Variants in USP9X observed in about 807,000 individuals in gnomAD.
USP9X encodes the protein ubiquitin specific peptidase 9 X-linked.
USP9X carries 7 observed loss-of-function variants against 190.3 expected under a neutral mutation model. That is an observed-to-expected ratio of 0.04 (90% CI 0.02 to 0.07). The LOEUF (loss-of-function observed/expected upper bound fraction) is 0.07, where lower values mean the gene tolerates loss of function less well. Among genes scored for constraint, USP9X ranks in the 10% least tolerant of loss-of-function variants. The pLI is 1.00. For missense variants in USP9X, 1,010 were observed against 1,916.9 expected (o/e 0.53, Z 8.83); for synonymous variants, 645 against 659.5 (o/e 0.98, Z 0.34).
intron 33 of USP9X, among the ~76,000 whole-genome samples, chrX:41,213,705 C>G (rs1368854900): frequency 8.9e-6 from 1 of 112,155 alleles, no homozygotes; most frequent in Non-Finnish European, 1.9e-5. Flanking sequence ...GAATATCCTA[C>G]TTTTGAAGTG....
chrX:41,120,403 A>G (rs1261468957), intron 1 of USP9X, among the ~76,000 whole-genome samples: 1 of 112,226 alleles, frequency 8.9e-6, no homozygotes, highest in Non-Finnish European at 1.9e-5. Flanking sequence ...TATTTCATGT[A>G]TTTATTAGTC....
chrX:41,131,415 T>C (rs373472088), intron 3 of USP9X, 42 bp from the exon 4 acceptor site: 4 of 1,109,115 alleles, frequency 3.6e-6, no homozygotes, highest in Admixed American at 2.2e-5. Flanking sequence ...CCTCTTTTAG[T>C]GTACAACCAT....
chrX:41,131,006 G>A (rs1254735649), intron 3 of USP9X, among the ~76,000 whole-genome samples: 2 of 109,531 alleles, frequency 1.8e-5, no homozygotes, highest in East Asian at 2.9e-4. Context: ...GATTAGAGGC[G>A]TGAGCCACTG....
At chrX:41,206,997 T>A (rs60829190) in intron 32 of USP9X, among the ~76,000 whole-genome samples, 1 of 107,447 alleles carries the variant, frequency 9.3e-6, no homozygotes, top group African/African-American at 3.4e-5. Context: ...TGTTGGCCAG[T>A]CTGGTCTCGA....
rs754213602 is a variant in USP9X, at chrX:41,141,255, AT to A, written c.1023-34del. On this transcript the variant is annotated intron_variant, in intron 8 of 44. Transcript: ENST00000378308. ...CCTCTTGAAATAATTGTTAATGCCG[AT>A]TTTAGAATCATACTTATCACTGAAT... is the stretch of plus-strand genomic sequence containing the variant. The A allele has an allele frequency of 4.2e-6, 5 of 1,195,548 alleles. No individual in the cohort carries two copies. In the African/African-American group the frequency reaches 7.1e-5, roughly 17 times the overall value.
At chrX:41,151,584 AAG>A (rs1423551034) in intron 13 of USP9X, among the ~76,000 whole-genome samples, 2 of 112,518 alleles carry the variant, frequency 1.8e-5, no homozygotes, top group African/African-American at 6.5e-5. Flanking sequence ...TGTGAAGAGA[AAG>A]AGAGCAGGGT....
At chrX:41,198,459 A>T in intron 29 of USP9X, 69 bp from the exon 30 acceptor site, 2 of 758,374 alleles carry the variant, frequency 2.6e-6, no homozygotes, top group Non-Finnish European at 3.6e-6. Flanking sequence ...TGATTTACTT[A>T]CAAGAGAACT....
chrX:41,183,980 T>A lies in USP9X; in HGVS notation c.3149-18T>A. ...ACACATGAATTACATTTTCACACTG[T>A]CTCTTTTTTTCCTCCAGATAGCACA... On this transcript the variant is annotated intron_variant, in intron 21 of 44. Transcript: ENST00000378308. 1 of 1,193,542 alleles carries A rather than the reference T, an allele frequency of 8.4e-7. No individual in the cohort carries two copies. Among genetic ancestry groups the A allele is most frequent in the Non-Finnish European group, 1.1e-6 (1 of 888,845 alleles).
At chrX:41,116,413 G>C (rs1189309221) in intron 1 of USP9X, among the ~76,000 whole-genome samples, 1 of 112,288 alleles carries the variant, frequency 8.9e-6, no homozygotes, top group Non-Finnish European at 1.9e-5. Context: ...AGCCCTGCTA[G>C]GTATGCCTAA....
chrX:41,222,908 C>G (rs1431844619), intron 38 of USP9X, among the ~76,000 whole-genome samples: 1 of 111,069 alleles, frequency 9.0e-6, no homozygotes, highest in African/African-American at 3.3e-5. Flanking sequence ...GAGACTGTCT[C>G]AAAAAAGAAA....
intron 33 of USP9X, among the ~76,000 whole-genome samples, chrX:41,211,809 C>T (rs1356061026): frequency 9.5e-6 from 1 of 105,779 alleles, no homozygotes; most frequent in Non-Finnish European, 2.0e-5. Context: ...CCCCTCTGCC[C>T]GGACAGCCGC....
chrX:41,225,223 A>G (rs776161857), intron 41 of USP9X, 86 bp downstream of exon 41: 5 of 862,954 alleles, frequency 5.8e-6, no homozygotes, highest in Non-Finnish European at 8.4e-6. Flanking sequence ...CATTTTTTTT[A>G]ACCTATTGGA....
chrX:41,131,038 T>TA (rs2062309105), intron 3 of USP9X, among the ~76,000 whole-genome samples: 1 of 108,722 alleles, frequency 9.2e-6, no homozygotes, highest in Admixed American at 9.8e-5. Context: ...CCCTGTCTCT[T>TA]ACCAAAAAAA....
intron 21 of USP9X, among the ~76,000 whole-genome samples, chrX:41,177,873 T>C (rs1031050329): frequency 5.5e-5 from 6 of 109,882 alleles, no homozygotes; most frequent in Non-Finnish European, 3.8e-5. Flanking sequence ...TGCTCAATTG[T>C]CCTAGATATG....
At chrX:41,132,957 G>A (rs981743779) in intron 4 of USP9X, among the ~76,000 whole-genome samples, 2 of 111,399 alleles carry the variant, frequency 1.8e-5, no homozygotes, top group African/African-American at 6.5e-5. Context: ...ATCTAACAGA[G>A]GACTACCATT....
In USP9X at chrX:41,206,555, C is replaced by T. The variant is rs1386411735; in HGVS notation, c.5015+1062C>T. Among the ~76,000 whole-genome samples, 8 of 110,254 alleles carry T rather than the reference C, an allele frequency of 7.3e-5. No individual in the cohort carries two copies. The Admixed American group carries it at 7.8e-4, about 11-fold the overall frequency. On this transcript the variant is annotated intron_variant, in intron 32 of 44. Transcript: ENST00000378308. ...ATTTTGTTGATGGAATCCCTGTGGT[C>T]GTTTATTATTTTCTGTTTTTCTTGG...
intron 31 of USP9X, among the ~76,000 whole-genome samples, chrX:41,204,741 T>C (rs139377775): frequency 8.9e-6 from 1 of 112,122 alleles, no homozygotes; most frequent in Non-Finnish European, 1.9e-5. Flanking sequence ...TAACATGCTG[T>C]ACAAGTTTAC....
chrX:41,126,610 A>G (rs34057753), intron 2 of USP9X, among the ~76,000 whole-genome samples: 30,953 of 111,024 alleles, frequency 0.28, 3,910 homozygotes, highest in Non-Finnish European at 0.39. Flanking sequence ...CTAATATTCT[A>G]TGTCTACATT....
chrX:41,213,171 C>G (rs2063181483), intron 33 of USP9X, among the ~76,000 whole-genome samples: 1 of 111,368 alleles, frequency 9.0e-6, no homozygotes, highest in Admixed American at 9.5e-5. Flanking sequence ...GGGGTGGACT[C>G]CTGTAGTCCC....
Sources: gnomAD v4.1 joint callset for allele counts (sites outside exome capture counted in the v4.1 genomes callset) on GRCh38, gnomAD v4.1.1 for gene constraint, MANE v1.5 for transcripts, NCBI Gene and HGNC (gene_info 2026-07-23, HGNC 2026-07-21) for gene names.